SCAMP4: variants seen among roughly 807,000 people sequenced by gnomAD.
The protein encoded by SCAMP4 is secretory carrier membrane protein 4.
SCAMP4 carries 19 observed loss-of-function variants against 32.1 expected under a neutral mutation model. That is an observed-to-expected ratio of 0.59 (90% CI 0.41 to 0.87). The LOEUF (loss-of-function observed/expected upper bound fraction) is 0.87. Ranked by LOEUF, SCAMP4 falls within the 40% of genes least tolerant of loss-of-function variation. The pLI, the probability that SCAMP4 is intolerant of heterozygous loss-of-function variation, is 0.00. For synonymous variants in SCAMP4, 152 were observed against 132.7 expected, an observed-to-expected ratio of 1.15 and a Z score of -1.00; for missense variants, 302 against 309.0, an observed-to-expected ratio of 0.98 and a Z score of 0.17.
chr19:1,917,254 C>T (rs986675865), intron 2 of SCAMP4, among the ~76,000 whole-genome samples: 18 of 152,252 alleles, frequency 1.2e-4, no homozygotes, highest in Admixed American at 9.8e-4. Flanking sequence ...TGCAGTGAGC[C>T]GAGATCGCAC....
chr19:1,923,068 A>T lies in SCAMP4; in HGVS notation c.396-2A>T. On this transcript the variant is annotated splice_acceptor_variant, in intron 5 of 6. Transcript: ENST00000316097. LOFTEE classifies it high-confidence loss of function. ...ACCCACGCACTCTCTTGTCCCTTGCAGCGGCTGGCTGTCGGCAATTGGATT... is the reference window on the plus strand; with the variant it reads ...ACCCACGCACTCTCTTGTCCCTTGCTGCGGCTGGCTGTCGGCAATTGGATT... The T allele has an allele frequency of 6.5e-7, 1 of 1,547,700 alleles. No homozygotes were observed.
intron 1 of SCAMP4, among the ~76,000 whole-genome samples, chr19:1,907,466 G>A (rs1371560825): frequency 1.3e-5 from 2 of 152,202 alleles, no homozygotes; most frequent in East Asian, 3.9e-4. Context: ...AGTCAGGACT[G>A]GTGCCTGAGT....
chr19:1,924,078 C>CT (rs745763123), intron 6 of SCAMP4, 30 bp from the exon 7 acceptor site: 2 of 1,496,652 alleles, frequency 1.3e-6, no homozygotes, highest in Non-Finnish European at 1.8e-6. Flanking sequence ...CATTTTCTGT[C>CT]TTCTGCCTCC....
chr19:1,921,931 G>A (rs1030187089), intron 5 of SCAMP4: 14 of 985,412 alleles, frequency 1.4e-5, no homozygotes, highest in African/African-American at 1.4e-4. Context: ...GCGGCGGGGG[G>A]TACCGCGTGT....
In SCAMP4 at chr19:1,920,930, C is replaced by G. The variant is rs528504861; in HGVS notation, c.395+1940C>G. 7.1e-6 allele frequency: 7 copies of G among 985,362 alleles called. No homozygotes were observed. In the Admixed American group the frequency reaches 4.3e-4, roughly 61 times the overall value. 61.0% of individuals were successfully genotyped at this position (985,362 alleles called of 1,614,324 possible). On this transcript the variant is annotated intron_variant, in intron 5 of 6. Transcript: ENST00000316097. Reference sequence around the variant, plus strand: ...CACGTGCGGCAGCAGCGACTTGGCTCTTCTCATTGGAGCCTGGGTCATCTC... The same window carrying G: ...CACGTGCGGCAGCAGCGACTTGGCTGTTCTCATTGGAGCCTGGGTCATCTC...
In SCAMP4 at chr19:1,918,639, A is replaced by G. The variant is rs1052290311; in HGVS notation, c.294-250A>G. The G allele has an allele frequency of 1.4e-5, 8 of 569,002 alleles. 1 individual carries two copies. The highest frequency in any genetic ancestry group is 9.9e-4 in the Middle Eastern group (2 of 2,018). The allele number at this position is 569,002 out of a possible 1,614,324, so 35.2% of individuals were successfully genotyped here. On this transcript the variant is annotated intron_variant, in intron 4 of 6. Transcript: ENST00000316097. ...TAGCCAGGCGTGGTTGCGGGCGCCT[A>G]TAATCCCAGCTACTCAGGAGGCTGA...
intron 5 of SCAMP4, chr19:1,922,060 G>A (rs541530927): frequency 3.5e-5 from 34 of 985,456 alleles, no homozygotes; most frequent in South Asian, 9.4e-5. Context: ...GAGACTGTAC[G>A]TCGTGCCTGC....
intron 2 of SCAMP4, among the ~76,000 whole-genome samples, chr19:1,917,242 G>T (rs1028254938): frequency 5.9e-5 from 9 of 152,212 alleles, no homozygotes; most frequent in African/African-American, 1.4e-4. Context: ...GGAGGCAGAG[G>T]CTGCAGTGAG....
chr19:1,922,871 G>C (rs1416125883), intron 5 of SCAMP4, 199 bp from the exon 6 acceptor site: 1 of 1,315,360 alleles, frequency 7.6e-7, no homozygotes, highest in East Asian at 3.1e-5. Flanking sequence ...ATGGTGGAGG[G>C]ATAAGGTCGT....
chr19:1,923,690 C>T (rs2013994163), intron 6 of SCAMP4, among the ~76,000 whole-genome samples: 1 of 137,944 alleles, frequency 7.2e-6, no homozygotes, highest in African/African-American at 2.7e-5. Flanking sequence ...GCGATCTCTG[C>T]TCACTGCAAG....
chr19:1,922,088 T>C, intron 5 of SCAMP4: 5 of 985,400 alleles, frequency 5.1e-6, no homozygotes, highest in Non-Finnish European at 6.0e-6. Context: ...TTCCCTGAAT[T>C]TTAAACCCTG....
intron 1 of SCAMP4, chr19:1,913,491 C>T (rs940043579): frequency 7.7e-6 from 3 of 389,066 alleles, no homozygotes; most frequent in Non-Finnish European, 1.4e-5. Flanking sequence ...GCCAGGGTCC[C>T]GAGTGGGGTG....
At chr19:1,911,686 G>C (rs1256742641) in intron 1 of SCAMP4, among the ~76,000 whole-genome samples, 13 of 152,200 alleles carry the variant, frequency 8.5e-5, no homozygotes, top group Admixed American at 8.5e-4. Flanking sequence ...TGGAGGCTGA[G>C]GCATGAGAAT....
chr19:1,919,159 C>T, intron 5 of SCAMP4, 169 bp downstream of exon 5: 2 of 1,441,732 alleles, frequency 1.4e-6, no homozygotes, highest in Non-Finnish European at 1.8e-6. Flanking sequence ...TCGCCAGCGC[C>T]CGCGTCCTCG....
intron 1 of SCAMP4, chr19:1,912,880 C>T (rs1296234519): frequency 6.2e-7 from 1 of 1,604,804 alleles, no homozygotes; most frequent in Admixed American, 1.7e-5. Context: ...GCCGTCCGCG[C>T]AGGCGCCGTG....
intron 1 of SCAMP4, chr19:1,906,866 T>TGGTGTGTGTGTGTGTGTGTG (rs1555836653): frequency 0.016 from 2,053 of 130,054 alleles, 49 homozygotes; most frequent in Admixed American, 0.046. Context: ...AAAAAAAAAA[T>TGGTGTGTGTGTGTGTGTGTG]TGTGTGTGTG....
intron 1 of SCAMP4, chr19:1,905,686 C>A (rs2013073137): frequency 6.5e-6 from 1 of 154,506 alleles, no homozygotes; most frequent in Non-Finnish European, 1.5e-5. Flanking sequence ...CGCGCTCCCC[C>A]GGGCCTAGCG....
chr19:1,907,871 T>A (rs1362719431), intron 1 of SCAMP4: 1 of 152,326 alleles, frequency 6.6e-6, no homozygotes, highest in Non-Finnish European at 1.5e-5. Flanking sequence ...AGCAGGTAGG[T>A]AGGAGGTGCT....
intron 2 of SCAMP4, 52 bp from the exon 3 acceptor site, chr19:1,917,642 C>A: frequency 1.2e-6 from 2 of 1,610,458 alleles, no homozygotes; most frequent in African/African-American, 1.3e-5. Flanking sequence ...GAGGTGGGGC[C>A]TCCTTCAAGA....
Sources: gnomAD v4.1 joint callset for allele counts (sites outside exome capture counted in the v4.1 genomes callset) on GRCh38, gnomAD v4.1.1 for gene constraint, MANE v1.5 for transcripts, NCBI Gene and HGNC (gene_info 2026-07-23, HGNC 2026-07-21) for gene names.